The following SFXN5 variants were observed in gnomAD, a reference collection of about 807,000 sequenced individuals.
SFXN5 encodes sideroflexin 5.
In SFXN5, 43 loss-of-function variants were observed where a neutral mutation model predicts 50.2. The ratio of observed to expected loss-of-function variants is 0.86; its 90% CI spans 0.67 to 1.11. SFXN5 has a LOEUF of 1.11. SFXN5 is among the 50% of genes least tolerant of loss of function. The pLI, the probability that SFXN5 is intolerant of heterozygous loss-of-function variation, is 0.00. For missense variants in SFXN5, 463 were observed against 454.1 expected (o/e 1.02, Z -0.18); for synonymous variants, 203 against 185.8 (o/e 1.09, Z -0.75).
rs1458755391 is a variant in SFXN5, at chr2:72,988,346, C to T, written c.537G>A (p.Val179=). ...CTTTCTGAACCAGGACATTAAGGCC[C>T]ACCTTTGAAAGAAAAAAATAAAAAC... The part of the protein sequence containing the change: ...GAVISAVSIA[V]GLNVLVQKAN... The change falls in exon 10 of 14, where the codon GTG becomes GTA. Residue 179 remains valine, a splice_region_variant and synonymous_variant. Coordinates refer to ENST00000272433, the MANE Select transcript of SFXN5 (RefSeq NM_144579.3). The T allele has an allele frequency of 1.2e-6, 2 of 1,613,448 alleles. No homozygotes were observed. The highest frequency in any genetic ancestry group is 1.7e-4 in the Middle Eastern group (1 of 6,032).
At chr2:72,948,742 T>C (rs927823671) in intron 13 of SFXN5, among the ~76,000 whole-genome samples, 1 of 151,926 alleles carries the variant, frequency 6.6e-6, no homozygotes, top group Non-Finnish European at 1.5e-5. Flanking sequence ...ATGCAGGCAG[T>C]GGGAAGGCTC....
intron 3 of SFXN5, among the ~76,000 whole-genome samples, chr2:73,040,001 C>T (rs1027916235): frequency 5.9e-5 from 9 of 151,880 alleles, no homozygotes; most frequent in African/African-American, 1.7e-4. Flanking sequence ...AGTAAAGACA[C>T]GGTTTCACCA....
chr2:73,070,796 C>T (rs942502841), intron 1 of SFXN5: 2 of 152,302 alleles, frequency 1.3e-5, no homozygotes, highest in East Asian at 1.9e-4. Context: ...TGCCCAGAGC[C>T]AGTCCCCGGC....
chr2:72,988,192 C>A (rs1302603718), intron 10 of SFXN5, 66 bp downstream of exon 10: 1 of 1,464,764 alleles, frequency 6.8e-7, no homozygotes, highest in Admixed American at 1.9e-5. Context: ...TCATCTGTCT[C>A]CCTGGGAGCC....
intron 1 of SFXN5, among the ~76,000 whole-genome samples, chr2:73,060,496 C>T (rs1458639104): frequency 6.6e-6 from 1 of 151,916 alleles, no homozygotes. Flanking sequence ...GAGACTGTTC[C>T]ACATTAAAGA....
At chr2:72,986,158 C>A (rs575136268) in intron 10 of SFXN5, among the ~76,000 whole-genome samples, 2 of 152,186 alleles carry the variant, frequency 1.3e-5, no homozygotes, top group Admixed American at 6.5e-5. Context: ...TAATGGCCCA[C>A]GACAGAAATA....
chr2:73,058,382 TAG>T, intron 2 of SFXN5, 144 bp downstream of exon 2: 1 of 669,532 alleles, frequency 1.5e-6, no homozygotes, highest in Non-Finnish European at 2.7e-6. Context: ...CAGCTACAGG[TAG>T]AGAGAATTTG....
intron 12 of SFXN5, among the ~76,000 whole-genome samples, chr2:72,967,706 C>T (rs1261336314): frequency 1.3e-5 from 2 of 152,170 alleles, no homozygotes; most frequent in Non-Finnish European, 2.9e-5. Context: ...TCACTGTCAA[C>T]TGACAAGCCA....
At chr2:72,955,512 G>C (rs1188237283) in intron 13 of SFXN5, among the ~76,000 whole-genome samples, 2 of 152,240 alleles carry the variant, frequency 1.3e-5, no homozygotes, top group Non-Finnish European at 2.9e-5. Flanking sequence ...AAGGGAGAAA[G>C]AGGCACAAAG....
At chr2:73,002,680 C>T (rs1376401493) in intron 6 of SFXN5, among the ~76,000 whole-genome samples, 1 of 148,872 alleles carries the variant, frequency 6.7e-6, no homozygotes, top group African/African-American at 2.6e-5. Context: ...ACAGCTAACA[C>T]ACACACACAC....
rs1463248316 is a variant in SFXN5, at chr2:72,973,444, A to G, written c.626-1759T>C. ...TGCAGGCATCTGGTGGATAGAGGCC[A>G]GAGGTGCTGCTAAACATCTCGCAAG... is the stretch of plus-strand genomic sequence containing the variant. On this transcript the variant is annotated intron_variant, in intron 10 of 13. Transcript: ENST00000272433. The surrounding 1 kb of genome is among the most constrained non-coding windows in gnomAD (Gnocchi z 5.5). The G allele has an allele frequency of 5.9e-6, 1 of 169,234 alleles. No homozygotes were observed. Among genetic ancestry groups the G allele is most frequent in the African/African-American group, 2.4e-5 (1 of 41,528 alleles). 10.5% of individuals were successfully genotyped at this position (169,234 alleles called of 1,614,324 possible). A position where few individuals can be genotyped will look rare whatever the true frequency, so the allele number is the denominator to read the frequency against.
chr2:73,039,293 T>A (rs576595939), intron 3 of SFXN5, among the ~76,000 whole-genome samples: 161 of 152,260 alleles, frequency 1.1e-3, no homozygotes, highest in African/African-American at 3.5e-3. Flanking sequence ...TGTCTTTATG[T>A]GGTGTATGAC....
chr2:73,067,506 G>A (rs886536958), intron 1 of SFXN5, among the ~76,000 whole-genome samples: 2 of 152,224 alleles, frequency 1.3e-5, no homozygotes, highest in Non-Finnish European at 2.9e-5. Flanking sequence ...AGAGGACAAT[G>A]GGTGAGGGCT....
At chr2:73,068,308 T>C (rs1041484258) in intron 1 of SFXN5, among the ~76,000 whole-genome samples, 1 of 152,192 alleles carries the variant, frequency 6.6e-6, no homozygotes, top group Admixed American at 6.5e-5. Context: ...CACAAGGTAC[T>C]ATGAGCATAT....
chr2:73,043,379 C>T (rs1340862687), intron 2 of SFXN5, among the ~76,000 whole-genome samples: 1 of 152,200 alleles, frequency 6.6e-6, no homozygotes, highest in Admixed American at 6.5e-5. Flanking sequence ...TGAACAGCCA[C>T]CTCCTGTACT....
chr2:73,009,070 C>T (rs563727439), intron 6 of SFXN5, among the ~76,000 whole-genome samples: 2 of 152,330 alleles, frequency 1.3e-5, no homozygotes, highest in South Asian at 2.1e-4. Context: ...GCCAGCCTTA[C>T]TCGCCCCTTC....
chr2:73,050,388 G>GCACACACACACACACA (rs770773072), intron 2 of SFXN5, among the ~76,000 whole-genome samples: 3 of 143,808 alleles, frequency 2.1e-5, no homozygotes, highest in South Asian at 4.3e-4. Context: ...CAGCCACAGC[G>GCACACACACACACACA]CACGCACACA....
chr2:73,015,589 G>A (rs1056767388), intron 6 of SFXN5, among the ~76,000 whole-genome samples: 1 of 151,788 alleles, frequency 6.6e-6, no homozygotes, highest in African/African-American at 2.4e-5. Flanking sequence ...CAAAGTGCTG[G>A]GATAAGAGGC....
intron 6 of SFXN5, among the ~76,000 whole-genome samples, chr2:73,007,494 G>A (rs193049107): frequency 4.6e-5 from 7 of 152,072 alleles, no homozygotes; most frequent in Admixed American, 4.6e-4. Flanking sequence ...GTGAGGTTAG[G>A]TCTGTCACGC....
Sources: allele counts gnomAD v4.1 joint callset (sites outside exome capture counted in the v4.1 genomes callset), GRCh38; gene constraint gnomAD v4.1.1; non-coding constraint Gnocchi (gnomAD v3.1); transcripts MANE v1.5; gene names NCBI Gene and HGNC (gene_info 2026-07-23, HGNC 2026-07-21).